Variants in ASZ1 observed in about 807,000 individuals in gnomAD.
ASZ1 encodes ankyrin repeat, SAM and basic leucine zipper domain-containing protein 1.
In ASZ1, 67 loss-of-function variants were observed where a neutral mutation model predicts 61.8. The ratio of observed to expected loss-of-function variants is 1.08; its 90% CI spans 0.89 to 1.33. The LOEUF (loss-of-function observed/expected upper bound fraction) is 1.33. Ranked by LOEUF, ASZ1 falls within the 40% of genes most tolerant of loss-of-function variation. ASZ1 has a pLI of 0.00. For missense variants in ASZ1, 577 were observed against 554.5 expected (o/e 1.04, Z -0.41); for synonymous variants, 193 against 192.7 (o/e 1.00, Z -0.01).
chr7:117,398,971 G>T (rs147117073), intron 4 of ASZ1, among the ~76,000 whole-genome samples: 104 of 152,286 alleles, frequency 6.8e-4, no homozygotes, highest in African/African-American at 2.4e-3. Flanking sequence ...GCTCAAACCT[G>T]TAGTATCAGC....
At chr7:117,381,944 C>A in intron 8 of ASZ1, 125 bp downstream of exon 8, 2 of 647,650 alleles carry the variant, frequency 3.1e-6, no homozygotes, top group African/African-American at 1.9e-5. Flanking sequence ...GGATGTACTA[C>A]AAATTATGGT....
chr7:117,412,656 T>C (rs145991160), intron 4 of ASZ1, among the ~76,000 whole-genome samples: 2 of 151,946 alleles, frequency 1.3e-5, no homozygotes, highest in African/African-American at 2.4e-5. Flanking sequence ...TCAATGGTAA[T>C]AAAAGCATCT....
intron 4 of ASZ1, among the ~76,000 whole-genome samples, chr7:117,415,402 T>C (rs1796972027): frequency 6.6e-6 from 1 of 152,210 alleles, no homozygotes; most frequent in Non-Finnish European, 1.5e-5. Context: ...GACGGATCTG[T>C]CTCAATTATC....
At chr7:117,390,167 G>GT (rs1413595973) in intron 4 of ASZ1, among the ~76,000 whole-genome samples, 34 of 124,696 alleles carry the variant, frequency 2.7e-4, no homozygotes, top group African/African-American at 1.3e-3. Flanking sequence ...CTATATCTTT[G>GT]TAACAGTGGG....
At chr7:117,401,394 TA>T (rs1247224429) in intron 4 of ASZ1, among the ~76,000 whole-genome samples, 4,126 of 142,030 alleles carry the variant, frequency 0.029, 206 homozygotes, top group African/African-American at 0.1. Flanking sequence ...TTTTTTTTTT[TA>T]AAAAAAAAGA....
intron 6 of ASZ1, 130 bp from the exon 7 acceptor site, chr7:117,383,240 C>T: frequency 9.5e-7 from 1 of 1,055,604 alleles, no homozygotes; most frequent in Middle Eastern, 3.6e-4. Flanking sequence ...ACAGATGTTT[C>T]ACAATTTACT....
At chr7:117,370,396 T>TA (rs1222662886) in intron 10 of ASZ1, among the ~76,000 whole-genome samples, 1 of 152,040 alleles carries the variant, frequency 6.6e-6, no homozygotes, top group African/African-American at 2.4e-5. Context: ...AATCAGTAGT[T>TA]AAGAGTTGTT....
intron 11 of ASZ1, chr7:117,368,175 C>A: frequency 4.7e-6 from 4 of 847,820 alleles, no homozygotes; most frequent in Non-Finnish European, 5.7e-6. Context: ...AATTCTCCCA[C>A]GTGGGCCTCC....
chr7:117,395,273 G>A (rs1257339862), intron 4 of ASZ1, among the ~76,000 whole-genome samples: 1 of 152,062 alleles, frequency 6.6e-6, no homozygotes, highest in Non-Finnish European at 1.5e-5. Context: ...AAAGCTTTCT[G>A]TGGAAGGGCA....
intron 4 of ASZ1, among the ~76,000 whole-genome samples, chr7:117,411,338 A>T (rs1796885722): frequency 1.3e-5 from 2 of 151,924 alleles, no homozygotes; most frequent in South Asian, 4.1e-4. Flanking sequence ...TTTTAAAATG[A>T]TAATGGGGCA....
chr7:117,398,262 T>C (rs897299415), intron 4 of ASZ1, among the ~76,000 whole-genome samples: 3 of 152,198 alleles, frequency 2.0e-5, no homozygotes, highest in African/African-American at 4.8e-5. Flanking sequence ...AGAACCTGGA[T>C]GTCTCACGCT....
intron 10 of ASZ1, among the ~76,000 whole-genome samples, chr7:117,377,363 C>T (rs1398392903): frequency 1.3e-5 from 2 of 151,736 alleles, no homozygotes; most frequent in Admixed American, 6.6e-5. Flanking sequence ...TCTGTCTCTA[C>T]AAAAAAGTTC....
At chr7:117,390,076 T>C (rs1796434283) in intron 4 of ASZ1, among the ~76,000 whole-genome samples, 1 of 152,194 alleles carries the variant, frequency 6.6e-6, no homozygotes, top group African/African-American at 2.4e-5. Context: ...GTTTCTTTTT[T>C]ATGGCTGTAT....
In ASZ1 at chr7:117,407,356, G is replaced by A. The variant is rs368732499; in HGVS notation, c.440+12807C>T. 1.6e-4 allele frequency among the ~76,000 whole-genome samples: 24 copies of A among 151,796 alleles called. No homozygotes were observed. The East Asian group carries it at 3.9e-3, about 24-fold the overall frequency. ...CAGGGATATAGGAGGCTTAAAAGAT[G>A]TAAGGAAAAGTTGACCAAAATGCAA... On this transcript the variant is annotated intron_variant, in intron 4 of 12. Transcript: ENST00000284629.
At position 117,405,884 on chromosome 7, in the gene ASZ1, T is replaced by C. The variant is rs556970570; in HGVS notation, c.440+14279A>G. On this transcript the variant is annotated intron_variant, in intron 4 of 12. Transcript: ENST00000284629. ...AAGAAGTGTACAAGTTACACAGAAT[T>C]TTTACTTAGCAATCTCCACCTAGCA... Among the ~76,000 whole-genome samples, 8 of 152,296 alleles carry C rather than the reference T, an allele frequency of 5.3e-5. No individual in the cohort carries two copies. In the South Asian group the frequency reaches 1.5e-3, roughly 28 times the overall value.
intron 4 of ASZ1, among the ~76,000 whole-genome samples, chr7:117,413,943 A>C (rs542766777): frequency 6.6e-6 from 1 of 152,234 alleles, no homozygotes; most frequent in East Asian, 1.9e-4. Flanking sequence ...ATTTCTTAAA[A>C]ACTGAGGAAC....
At chr7:117,426,726 T>C (rs976979588) in intron 2 of ASZ1, 110 bp downstream of exon 2, 1 of 960,136 alleles carries the variant, frequency 1.0e-6, no homozygotes, top group Non-Finnish European at 1.6e-6. Context: ...GATGATACAT[T>C]AACATTTGTT....
At chr7:117,374,538 T>C (rs1429799617) in intron 10 of ASZ1, among the ~76,000 whole-genome samples, 2 of 152,094 alleles carry the variant, frequency 1.3e-5, no homozygotes, top group Admixed American at 1.3e-4. Context: ...ACATGTAAGG[T>C]AGTTTTATGT....
At position 117,417,475 on chromosome 7, in the gene ASZ1, C is replaced by T. The variant is rs187014588; in HGVS notation, c.440+2688G>A. 2.0e-5 allele frequency among the ~76,000 whole-genome samples: 3 copies of T among 152,274 alleles called. No homozygotes were observed. In the East Asian group the frequency reaches 5.8e-4, roughly 29 times the overall value. On this transcript the variant is annotated intron_variant, in intron 4 of 12. Coordinates refer to ENST00000284629, the MANE Select transcript of ASZ1 (RefSeq NM_130768.3). ...GCACTTTTTACAGGAATCTAAAGCT[C>T]CCAATCTTCTAATAGGTTTTGATTT...
Sources: allele counts gnomAD v4.1 joint callset (sites outside exome capture counted in the v4.1 genomes callset), GRCh38; gene constraint gnomAD v4.1.1; transcripts MANE v1.5; gene names NCBI Gene and HGNC (gene_info 2026-07-23, HGNC 2026-07-21).